WDCP: variants seen among roughly 807,000 people sequenced by gnomAD.
WDCP encodes WD repeat and coiled-coil-containing protein.
Under a neutral mutation model 41.6 loss-of-function variants are expected in WDCP, and 19 were observed. The observed-to-expected ratio is 0.46, with a 90% CI of 0.32 to 0.67. The LOEUF is 0.67. WDCP is among the 30% of genes least tolerant of loss of function. The pLI is 0.04. For missense variants in WDCP, 802 were observed against 850.7 expected (o/e 0.94, Z 0.71); for synonymous variants, 302 against 320.8 (o/e 0.94, Z 0.63).
intron 3 of WDCP, 76 bp downstream of exon 3, chr2:24,032,753 C>A: frequency 1.2e-6 from 1 of 808,886 alleles, no homozygotes; most frequent in Non-Finnish European, 2.2e-6. Context: ...CCCTCATTTT[C>A]ATTACCGGCA....
rs1033127827 is a variant in WDCP at position 24,037,570 on chromosome 2, G to C, written c.1818+107C>G. 3 of 1,272,514 alleles carry C rather than the reference G, an allele frequency of 2.4e-6. No individual in the cohort carries two copies. The African/African-American group carries it at 4.5e-5, about 19-fold the overall frequency. 78.8% of individuals were successfully genotyped at this position (1,272,514 alleles called of 1,614,324 possible). On this transcript the variant is annotated intron_variant, in intron 2 of 3. Transcript: ENST00000295148. ...CCTGTAACATAACATGCCCAGCTTA[G>C]TGAAGCTCAGTTAGAGCACCATCTT... is the stretch of plus-strand genomic sequence containing the variant.
intron 2 of WDCP, among the ~76,000 whole-genome samples, chr2:24,036,065 AAAAT>A (rs546096434): frequency 0.034 from 4,778 of 140,368 alleles, 257 homozygotes; most frequent in African/African-American, 0.12. Context: ...CTCCGTCTCA[AAAAT>A]AAATAAATAA....
At chr2:24,040,902 GC>G (rs1301221219) in intron 1 of WDCP, among the ~76,000 whole-genome samples, 1 of 152,146 alleles carries the variant, frequency 6.6e-6, no homozygotes, top group Non-Finnish European at 1.5e-5. Context: ...TATACTCCCA[GC>G]TACTTAGAAG....
chr2:24,045,608 A>G (rs1441790563), intron 1 of WDCP, among the ~76,000 whole-genome samples: 1 of 105,466 alleles, frequency 9.5e-6, no homozygotes, highest in Non-Finnish European at 2.2e-5. Flanking sequence ...CTCAAAAAAA[A>G]AAAAAAAAAA....
At chr2:24,031,642 T>C (rs1386718006) in intron 3 of WDCP, among the ~76,000 whole-genome samples, 1 of 152,084 alleles carries the variant, frequency 6.6e-6, no homozygotes, top group Non-Finnish European at 1.5e-5. Flanking sequence ...CTGGCTAACA[T>C]GGTGAAACCC....
At chr2:24,040,093 G>A (rs922178101) in intron 1 of WDCP, among the ~76,000 whole-genome samples, 2 of 151,978 alleles carry the variant, frequency 1.3e-5, no homozygotes, top group Non-Finnish European at 2.9e-5. Flanking sequence ...GAGCTCCCGC[G>A]CCCGGCCAGA....
At chr2:24,034,246 C>T (rs1056636565) in intron 2 of WDCP, among the ~76,000 whole-genome samples, 9 of 152,092 alleles carry the variant, frequency 5.9e-5, no homozygotes, top group Non-Finnish European at 1.0e-4. Context: ...CATGGTGAAA[C>T]CCCATCTCTA....
chr2:24,045,345 T>C (rs1663577688), intron 1 of WDCP, among the ~76,000 whole-genome samples: 1 of 152,138 alleles, frequency 6.6e-6, no homozygotes, highest in Non-Finnish European at 1.5e-5. Context: ...CTCATGCCTG[T>C]AATCCCAGCA....
chr2:24,041,637 G>A (rs1178982460), intron 1 of WDCP, among the ~76,000 whole-genome samples: 3 of 152,018 alleles, frequency 2.0e-5, no homozygotes, highest in Non-Finnish European at 2.9e-5. Context: ...CAGATTACCT[G>A]AGGTCAGGAG....
In WDCP at chr2:24,031,112, T is replaced by C; in HGVS notation, c.1987A>G (p.Thr663Ala). Residue 663 changes from threonine (T) to alanine (A), a missense_variant, in exon 4 of 4, where the codon ACC becomes GCC. Thr to Ala is a moderately conservative substitution (Grantham distance 58). Coordinates refer to ENST00000295148, the MANE Select transcript of WDCP (RefSeq NM_025203.3). Reference sequence around the variant, plus strand: ...ATTATTTCCTGTGTGGCTGTGAAGGTTAACGGGATAAAGCCCTCACTGTCA... The same window carrying C: ...ATTATTTCCTGTGTGGCTGTGAAGGCTAACGGGATAAAGCCCTCACTGTCA... ...SADSEGFIPL[T>A]FTATQEIIIR... The C allele has an allele frequency of 6.2e-7, 1 of 1,614,164 alleles. No homozygotes were observed. Among genetic ancestry groups the C allele is most frequent in the East Asian group, 2.2e-5 (1 of 44,892 alleles).
chr2:24,037,632 CAGG>C, intron 2 of WDCP, 42 bp downstream of exon 2: 1 of 1,539,324 alleles, frequency 6.5e-7, no homozygotes, highest in Non-Finnish European at 8.7e-7. Context: ...TCACCGGCTG[CAGG>C]AGCTTTTATG....
In WDCP at chr2:24,037,842, T is replaced by C. The variant is rs758591083; in HGVS notation, c.1653A>G (p.Glu551=). 3.1e-6 allele frequency: 5 copies of C among 1,614,206 alleles called. No individual in the cohort carries two copies. Among genetic ancestry groups the C allele is most frequent in the Non-Finnish European group, 4.2e-6 (5 of 1,180,030 alleles). Residue 551 remains glutamate, a synonymous_variant, in exon 2 of 4, where the codon GAA becomes GAG. Coordinates refer to ENST00000295148, the MANE Select transcript of WDCP (RefSeq NM_025203.3). ...RLPQRKNLQS[E]KETYQLSKEV... ...CCTTAGACAGCTGATAAGTTTCCTT[T>C]TCACTTTGTAAGTTCTTTCTTTGAG...
Position 24,037,935 on chromosome 2 carries a change from CTGGG to C in WDCP, c.1556_1559del (p.Thr519SerfsTer92). The C allele has an allele frequency of 1.2e-6, 2 of 1,614,094 alleles. No individual in the cohort carries two copies. Among genetic ancestry groups the C allele is most frequent in the Non-Finnish European group, 1.7e-6 (2 of 1,179,992 alleles). On this transcript the variant is annotated frameshift_variant, in exon 2 of 4. Coordinates refer to ENST00000295148, the MANE Select transcript of WDCP (RefSeq NM_025203.3). LOFTEE classifies it high-confidence loss of function. ...TGCTGTGTCTGGGCAGCGATGCTGG[CTGGG>C]TAACAGGCTCAGCATCTAGAGCTAT...
chr2:24,034,979 T>C (rs1235471656), intron 2 of WDCP, among the ~76,000 whole-genome samples: 1 of 151,798 alleles, frequency 6.6e-6, no homozygotes, highest in Non-Finnish European at 1.5e-5. Flanking sequence ...AAATAGCCTA[T>C]TTAAAGAAAA....
At chr2:24,042,535 C>CAAAAAAAAAAAAAAAAAA (rs35044474) in intron 1 of WDCP, among the ~76,000 whole-genome samples, 1 of 61,582 alleles carries the variant, frequency 1.6e-5, no homozygotes. Flanking sequence ...TACTCCGTCT[C>CAAAAAAAAAAAAAAAAAA]AAAAAAAAAA....
chr2:24,037,901 C>T lies in WDCP; in HGVS notation c.1594G>A (p.Asp532Asn). The change falls in exon 2 of 4, where the codon GAC becomes AAC. Residue 532 changes from aspartate (D) to asparagine (N), a missense_variant. Coordinates refer to ENST00000295148, the MANE Select transcript of WDCP (RefSeq NM_025203.3). ...GGAGGCTCCAGTGTGCTGGTGTGGT[C>T]TGGTGTGCTGCTGTGTCTGGGCAGC... ...ASLPRHSSTP[D>N]HTSTLEPPRL... 2 of 1,613,982 alleles carry T rather than the reference C, an allele frequency of 1.2e-6. No individual in the cohort carries two copies. The highest frequency in any genetic ancestry group is 1.7e-6 in the Non-Finnish European group (2 of 1,180,008).
chr2:24,041,340 C>CAAA (rs35390594), intron 1 of WDCP, among the ~76,000 whole-genome samples: 30 of 127,360 alleles, frequency 2.4e-4, no homozygotes, highest in African/African-American at 8.0e-4. Context: ...ACTCTATCTC[C>CAAA]AAAAAAAAAA....
At chr2:24,044,938 A>G (rs1663566161) in intron 1 of WDCP, among the ~76,000 whole-genome samples, 1 of 152,194 alleles carries the variant, frequency 6.6e-6, no homozygotes, top group African/African-American at 2.4e-5. Flanking sequence ...TAACAAGGCA[A>G]TTAAAACCTT....
intron 1 of WDCP, 133 bp from the exon 2 acceptor site, chr2:24,039,645 T>C: frequency 1.4e-6 from 1 of 726,442 alleles, no homozygotes; most frequent in Non-Finnish European, 2.2e-6. Context: ...AGGGGGAGTA[T>C]TATAAATTAA....
Sources: allele counts gnomAD v4.1 joint callset (sites outside exome capture counted in the v4.1 genomes callset), GRCh38; gene constraint gnomAD v4.1.1; transcripts MANE v1.5; gene names NCBI Gene and HGNC (gene_info 2026-07-23, HGNC 2026-07-21).